Variants in CYP2C18 observed in about 807,000 individuals in gnomAD.
The protein encoded by CYP2C18 is cytochrome P450 family 2 subfamily C member 18.
A neutral mutation model predicts 41.3 loss-of-function variants in CYP2C18; 38 were observed. The observed-to-expected ratio is 0.92, with a 90% CI of 0.71 to 1.21. The LOEUF (loss-of-function observed/expected upper bound fraction) is 1.21. Among genes scored for constraint, CYP2C18 ranks in the 50% most tolerant of loss-of-function variants. CYP2C18 has a pLI of 0.00. For synonymous variants in CYP2C18, 236 were observed against 210.0 expected (o/e 1.12, Z -1.07); for missense variants, 635 against 591.4 (o/e 1.07, Z -0.77).
chr10:94,696,632 A>G (rs1177792493), intron 4 of CYP2C18, among the ~76,000 whole-genome samples: 1 of 152,214 alleles, frequency 6.6e-6, no homozygotes, highest in Non-Finnish European at 1.5e-5. Context: ...TGGACAGAGA[A>G]TGACTTTGAC....
intron 5 of CYP2C18, among the ~76,000 whole-genome samples, chr10:94,714,016 G>A (rs536669549): frequency 9.2e-5 from 14 of 152,102 alleles, no homozygotes; most frequent in African/African-American, 3.1e-4. Flanking sequence ...CACCCACTTT[G>A]TGATGGGGTT....
At chr10:94,690,820 T>G (rs898894956) in intron 3 of CYP2C18, among the ~76,000 whole-genome samples, 1 of 152,150 alleles carries the variant, frequency 6.6e-6, no homozygotes, top group Non-Finnish European at 1.5e-5. Flanking sequence ...AAAAAGCTTA[T>G]CCACCATAAT....
chr10:94,693,971 G>T (rs940774106), intron 3 of CYP2C18, among the ~76,000 whole-genome samples: 3 of 152,126 alleles, frequency 2.0e-5, no homozygotes, highest in Non-Finnish European at 4.4e-5. Context: ...TGTAATCCAA[G>T]CTGAAAATCA....
chr10:94,700,861 AT>A (rs1422082801), intron 4 of CYP2C18, among the ~76,000 whole-genome samples: 1 of 152,270 alleles, frequency 6.6e-6, no homozygotes, highest in Admixed American at 6.5e-5. Context: ...CAAAGGACAC[AT>A]GAAAAAATGC....
chr10:94,688,357 A>G (rs961170028), intron 3 of CYP2C18, 83 bp downstream of exon 3: 3 of 1,463,690 alleles, frequency 2.0e-6, no homozygotes. Flanking sequence ...ACTTTTATGC[A>G]TATTTATGGG....
chr10:94,727,978 A>G (rs1474365974), intron 7 of CYP2C18, among the ~76,000 whole-genome samples: 4 of 152,178 alleles, frequency 2.6e-5, no homozygotes, highest in Admixed American at 6.5e-5. Context: ...TTATCAATAC[A>G]TTAATATTAT....
In CYP2C18 at chr10:94,720,411, C is replaced by T; in HGVS notation, c.835C>T (p.Gln279Ter). 1 of 1,608,236 alleles carries T rather than the reference C, an allele frequency of 6.2e-7. No homozygotes were observed. The highest frequency in any genetic ancestry group is 1.1e-5 in the South Asian group (1 of 89,178). ...AATTTTTTAGGAAAAGCACAATCAA[C>T]AGTCTGAATTTACTGTTGAAAGCTT... is the stretch of plus-strand genomic sequence containing the variant. ...IKMEQEKHNQ[Q>*]SEFTVESLIA... The change falls in exon 6 of 9, where the codon CAG (glutamine) becomes TAG (stop). Residue 279 changes from glutamine to a stop codon, truncating the protein, a stop_gained. Transcript: ENST00000285979. LOFTEE classifies it high-confidence loss of function.
At chr10:94,713,317 G>A (rs1214846897) in intron 5 of CYP2C18, among the ~76,000 whole-genome samples, 2 of 151,974 alleles carry the variant, frequency 1.3e-5, no homozygotes, top group Non-Finnish European at 2.9e-5. Context: ...ATCTCTTAAT[G>A]CTATCCCTCC....
At chr10:94,720,587 G>A in intron 6 of CYP2C18, 50 bp downstream of exon 6, 3 of 1,543,244 alleles carry the variant, frequency 1.9e-6, no homozygotes, top group South Asian at 1.2e-5. Flanking sequence ...AAGATGTTGG[G>A]AAGACACTGC....
chr10:94,735,565 C>G lies in CYP2C18; in HGVS notation c.*121C>G. Reference sequence around the variant, plus strand: ...TCTCTGACTTGTCAATCCACATCTTCCCATTCCCTCAAGATCCAATGAACA... The same window carrying G: ...TCTCTGACTTGTCAATCCACATCTTGCCATTCCCTCAAGATCCAATGAACA... On this transcript the variant is annotated 3_prime_UTR_variant, in exon 9 of 9. Transcript: ENST00000285979. 1 of 980,442 alleles carries G rather than the reference C, an allele frequency of 1.0e-6. No homozygotes were observed. The highest frequency in any genetic ancestry group is 1.6e-6 in the Non-Finnish European group (1 of 644,960). 60.7% of individuals were successfully genotyped at this position (980,442 alleles called of 1,614,324 possible). A position where few individuals can be genotyped will look rare whatever the true frequency, so the allele number is the denominator to read the frequency against.
intron 7 of CYP2C18, among the ~76,000 whole-genome samples, chr10:94,726,456 T>C (rs543731562): frequency 6.6e-6 from 1 of 152,210 alleles, no homozygotes; most frequent in South Asian, 2.1e-4. Flanking sequence ...TTTTCTGATC[T>C]TGTGATAGTT....
chr10:94,686,583 C>T (rs1399865610), intron 1 of CYP2C18, among the ~76,000 whole-genome samples: 1 of 152,152 alleles, frequency 6.6e-6, no homozygotes, highest in Non-Finnish European at 1.5e-5. Flanking sequence ...CACATAGAAA[C>T]TTCTGTATTA....
At chr10:94,697,801 G>A (rs1400148274) in intron 4 of CYP2C18, among the ~76,000 whole-genome samples, 1 of 152,026 alleles carries the variant, frequency 6.6e-6, no homozygotes, top group Admixed American at 6.6e-5. Flanking sequence ...CCAAGCAAAT[G>A]GAAAACAAGG....
intron 5 of CYP2C18, among the ~76,000 whole-genome samples, chr10:94,708,930 A>G (rs1043230053): frequency 1.8e-4 from 27 of 152,154 alleles, no homozygotes; most frequent in African/African-American, 6.0e-4. Flanking sequence ...GTGGTCAAAT[A>G]ATATTTGGGT....
intron 7 of CYP2C18, among the ~76,000 whole-genome samples, chr10:94,729,997 A>G (rs575550278): frequency 7.9e-5 from 12 of 152,292 alleles, no homozygotes; most frequent in Non-Finnish European, 1.3e-4. Flanking sequence ...GTTGAAAACT[A>G]GTTGAGAAGT....
chr10:94,697,822 G>A (rs537311438), intron 4 of CYP2C18, among the ~76,000 whole-genome samples: 2 of 152,144 alleles, frequency 1.3e-5, no homozygotes, highest in African/African-American at 4.8e-5. Flanking sequence ...AAAGGCAGGG[G>A]TTGCAATCCT....
chr10:94,694,069 T>C (rs902852845), intron 3 of CYP2C18, among the ~76,000 whole-genome samples: 1 of 152,172 alleles, frequency 6.6e-6, no homozygotes, highest in African/African-American at 2.4e-5. Flanking sequence ...TAACATAAGG[T>C]ATTTTTTTGA....
chr10:94,721,975 C>T (rs1004196554), intron 6 of CYP2C18, among the ~76,000 whole-genome samples: 1 of 152,092 alleles, frequency 6.6e-6, no homozygotes, highest in Non-Finnish European at 1.5e-5. Flanking sequence ...CATATGAATG[C>T]AGATGTCTTT....
At chr10:94,693,080 G>A (rs896310969) in intron 3 of CYP2C18, among the ~76,000 whole-genome samples, 1 of 152,180 alleles carries the variant, frequency 6.6e-6, no homozygotes, top group African/African-American at 2.4e-5. Context: ...GAGTTAATGG[G>A]TGCAGCACAC....
Sources: allele counts gnomAD v4.1 joint callset (sites outside exome capture counted in the v4.1 genomes callset), GRCh38; gene constraint gnomAD v4.1.1; transcripts MANE v1.5; gene names NCBI Gene and HGNC (gene_info 2026-07-23, HGNC 2026-07-21).